The following CNIH3 variants were observed in gnomAD, a reference collection of about 807,000 sequenced individuals.
CNIH3 encodes cornichon family AMPA receptor auxiliary protein 3, also known as protein cornichon homolog 3.
A neutral mutation model predicts 24.1 loss-of-function variants in CNIH3; 14 were observed. That is an observed-to-expected ratio of 0.58 (90% CI 0.38 to 0.91). The LOEUF is 0.91. CNIH3 is among the 40% of genes least tolerant of loss of function. The pLI is 0.00. For missense variants in CNIH3, 178 were observed against 196.8 expected, an observed-to-expected ratio of 0.90 and a Z score of 0.57; for synonymous variants, 68 against 73.8, an observed-to-expected ratio of 0.92 and a Z score of 0.40.
At chr1:224,531,027 G>A (rs1679047832) in intron 2 of CNIH3, among the ~76,000 whole-genome samples, 2 of 152,158 alleles carry the variant, frequency 1.3e-5, no homozygotes, top group African/African-American at 4.8e-5. Flanking sequence ...TCCTAGGCAT[G>A]GAACTGGGGG....
chr1:224,535,045 C>G (rs1461990219), intron 2 of CNIH3, among the ~76,000 whole-genome samples: 1 of 152,008 alleles, frequency 6.6e-6, no homozygotes, highest in African/African-American at 2.4e-5. Context: ...GTGTCTGCCC[C>G]CAAAAAAGAT....
At chr1:224,592,879 G>A (rs1391751374), downstream of CNIH3, among the ~76,000 whole-genome samples, 2 of 152,152 alleles carry the variant, frequency 1.3e-5, no homozygotes, top group Non-Finnish European at 2.9e-5. Flanking sequence ...TGTGGAAGGA[G>A]CCAGGGCCCA....
intron 1 of CNIH3, among the ~76,000 whole-genome samples, chr1:224,457,989 A>G (rs1050013604): frequency 7.2e-5 from 11 of 152,228 alleles, no homozygotes; most frequent in African/African-American, 2.7e-4. Context: ...ACTTTATGCC[A>G]GTTAGTGCCC....
At chr1:224,637,134 T>A (rs1199822925) in intron 1 of CNIH3, among the ~76,000 whole-genome samples, 3 of 152,020 alleles carry the variant, frequency 2.0e-5, no homozygotes, top group Non-Finnish European at 4.4e-5. Flanking sequence ...TTTGTATTTT[T>A]AGTAGAGACG....
chr1:224,713,182 G>A (rs898155346), intron 3 of CNIH3, among the ~76,000 whole-genome samples: 9 of 152,194 alleles, frequency 5.9e-5, no homozygotes, highest in Non-Finnish European at 1.0e-4. Flanking sequence ...CAGGAGACCC[G>A]TTGCAGTCCA....
chr1:224,722,439 CA>C lies in CNIH3; in HGVS notation c.199-8020del, dbSNP rs1226565065. ...TCTATTTTGGGAATCAGTCACTTCT[CA>C]AACTTTAATGTGCATGTAAGTCACT... On this transcript the variant is annotated intron_variant, in intron 3 of 5. Coordinates refer to ENST00000272133, the MANE Select transcript of CNIH3 (RefSeq NM_152495.2). Among the ~76,000 whole-genome samples the C allele has an allele frequency of 4.6e-5, 7 of 152,302 alleles. No individual in the cohort carries two copies. In the East Asian group the frequency reaches 1.4e-3, roughly 29 times the overall value.
rs1392360734 is a variant in CNIH3, at chr1:224,704,694, T to C, written c.198+19851T>C. Among the ~76,000 whole-genome samples, 1 of 152,144 alleles carries C rather than the reference T, an allele frequency of 6.6e-6. No homozygotes were observed. The highest frequency in any genetic ancestry group is 1.5e-5 in the Non-Finnish European group (1 of 68,020). On this transcript the variant is annotated intron_variant, in intron 3 of 5. Transcript: ENST00000272133. The surrounding 1 kb of genome is among the most constrained non-coding windows in gnomAD (Gnocchi z 4.2). ...ATCCTCCGACATAACCACAATACCATTGTCACACCAAAGAACATGGCTATA... is the reference window on the plus strand; with the variant it reads ...ATCCTCCGACATAACCACAATACCACTGTCACACCAAAGAACATGGCTATA...
At chr1:224,515,500 T>C (rs2124903014), upstream of CNIH3, among the ~76,000 whole-genome samples, 1 of 152,358 alleles carries the variant, frequency 6.6e-6, no homozygotes, top group South Asian at 2.1e-4. Context: ...AAAGACTCTT[T>C]TGGTAATTTG....
intron 1 of CNIH3, among the ~76,000 whole-genome samples, chr1:224,663,053 G>A (rs902211806): frequency 7.2e-5 from 11 of 152,040 alleles, no homozygotes; most frequent in African/African-American, 2.2e-4. Context: ...GGCAAAAACC[G>A]CAATTACTTT....
At chr1:224,588,997 T>G (rs1305311113), downstream of CNIH3, among the ~76,000 whole-genome samples, 1 of 113,266 alleles carries the variant, frequency 8.8e-6, no homozygotes, top group East Asian at 3.5e-4. Context: ...GCCATTTTAC[T>G]GAGAAGCATG....
In CNIH3 at chr1:224,504,710, C is replaced by A. The variant is rs182960945; in HGVS notation, n.204-11031C>A. Among the ~76,000 whole-genome samples, 851 of 152,292 alleles carry A rather than the reference C, an allele frequency of 5.6e-3. 34 individuals carry two copies. Among genetic ancestry groups the A allele is most frequent in the Non-Finnish European group, 1.9e-3 (131 of 68,032 alleles). On this transcript the variant is annotated intron_variant and non_coding_transcript_variant, in intron 1 of 5. Coordinates refer to the CNIH3 transcript ENST00000471578. ...TTGCATGCCGCTGCTTATAGATTCACACTGCTTGAGTTCAAAGCCCACATC... is the reference window on the plus strand; with the variant it reads ...TTGCATGCCGCTGCTTATAGATTCAAACTGCTTGAGTTCAAAGCCCACATC...
chr1:224,543,943 A>G (rs1315666113), intron 2 of CNIH3, among the ~76,000 whole-genome samples: 1 of 152,072 alleles, frequency 6.6e-6, no homozygotes, highest in Non-Finnish European at 1.5e-5. Flanking sequence ...GGATTGGTTG[A>G]TTGATTATAC....
chr1:224,684,630 ACT>A lies in CNIH3; in HGVS notation c.151-163_151-162del, dbSNP rs1686564652. ...CAAGGTACAGGGAAGAAAGTCAGAAACTCTGTTAGAAAAAGCCACTGGGTGGG... is the reference window on the plus strand; with the variant it reads ...CAAGGTACAGGGAAGAAAGTCAGAAACTGTTAGAAAAAGCCACTGGGTGGG... On this transcript the variant is annotated intron_variant, in intron 2 of 5. Transcript: ENST00000272133. This position sits in a 1 kb window ranked among gnomAD's most constrained non-coding sequence, Gnocchi z 4.2. Among the ~76,000 whole-genome samples the A allele has an allele frequency of 6.6e-6, 1 of 152,072 alleles. No individual in the cohort carries two copies. The highest frequency in any genetic ancestry group is 2.1e-4 in the South Asian group (1 of 4,826).
intron 3 of CNIH3, among the ~76,000 whole-genome samples, chr1:224,562,562 A>G (rs1680415226): frequency 6.6e-6 from 1 of 152,166 alleles, no homozygotes; most frequent in Admixed American, 6.5e-5. Context: ...CCCAAATCTC[A>G]TGTTGAAATT....
chr1:224,471,546 C>A (rs1676369974), intron 1 of CNIH3, among the ~76,000 whole-genome samples: 1 of 151,894 alleles, frequency 6.6e-6, no homozygotes, highest in Non-Finnish European at 1.5e-5. Context: ...AACATAACTA[C>A]CTCCAGTTCT....
intron 1 of CNIH3, chr1:224,435,826 G>A (rs1257951820): frequency 6.6e-6 from 1 of 152,126 alleles, no homozygotes; most frequent in Non-Finnish European, 1.5e-5. Context: ...GTGGTTGATA[G>A]CATCTATACT....
downstream of CNIH3, among the ~76,000 whole-genome samples, chr1:224,590,254 G>A (rs1106233): frequency 0.26 from 39,223 of 152,098 alleles, 5,272 homozygotes; most frequent in East Asian, 0.38. Context: ...ATGAATGAAT[G>A]ATTAAAGCCC....
chr1:224,585,291 A>G (rs1271814440), intron 5 of CNIH3, among the ~76,000 whole-genome samples: 1 of 152,102 alleles, frequency 6.6e-6, no homozygotes, highest in Non-Finnish European at 1.5e-5. Context: ...AAAGCCTTCC[A>G]GACCCCGCAA....
chr1:224,435,066 C>G (rs574673620), intron 1 of CNIH3: 13 of 985,674 alleles, frequency 1.3e-5, no homozygotes, highest in Middle Eastern at 5.2e-4. Context: ...AAGTTCGTAG[C>G]CGCCCTCCGA....
Sources: gnomAD v4.1 joint callset for allele counts (sites outside exome capture counted in the v4.1 genomes callset) on GRCh38, gnomAD v4.1.1 for gene constraint, Gnocchi (gnomAD v3.1) non-coding constraint, MANE v1.5 for transcripts, NCBI Gene and HGNC (gene_info 2026-07-23, HGNC 2026-07-21) for gene names.